ABR: variants seen among roughly 807,000 people sequenced by gnomAD.
ABR encodes the protein active breakpoint cluster region-related protein.
Under a neutral mutation model 107.2 loss-of-function variants are expected in ABR, and 35 were observed. That is an observed-to-expected ratio of 0.33 (90% CI 0.25 to 0.43). The LOEUF is 0.43. Among genes scored for constraint, ABR ranks in the 20% least tolerant of loss-of-function variants. The probability of loss-of-function intolerance (pLI) is 1.00; values close to 1 mark genes in which losing one functional copy is unlikely to be tolerated. For missense variants in ABR, 815 were observed against 1,115.2 expected (o/e 0.73, Z 3.83); for synonymous variants, 498 against 462.0 (o/e 1.08, Z -1.00).
At chr17:1,217,068 C>T (rs1048397238) in intron 1 of ABR, among the ~76,000 whole-genome samples, 3 of 152,162 alleles carry the variant, frequency 2.0e-5, no homozygotes, top group Non-Finnish European at 2.9e-5. Flanking sequence ...GGACATGCGG[C>T]GGCTTTCCCT....
intron 6 of ABR, among the ~76,000 whole-genome samples, chr17:1,074,384 G>A (rs374088385): frequency 6.2e-4 from 94 of 151,196 alleles, no homozygotes; most frequent in African/African-American, 2.2e-3. Context: ...GCCCCGCAGA[G>A]TCCAGCATAC....
rs568557543 is a variant in ABR, at chr17:1,201,718, C to T, written c.838+27075G>A. On this transcript the variant is annotated intron_variant, in intron 1 of 22. Coordinates refer to the ABR transcript ENST00000574139. ...TTTGAGAGAGTCTCGCTCTGTTGCC[C>T]AGGCTGGTGTGCAGTGGCGTGATCT... Among the ~76,000 whole-genome samples, 61 of 152,242 alleles carry T rather than the reference C, an allele frequency of 4.0e-4. No individual in the cohort carries two copies. The South Asian group carries it at 0.012, about 31-fold the overall frequency.
intron 16 of ABR, among the ~76,000 whole-genome samples, chr17:1,013,998 C>T (rs1301122763): frequency 6.6e-6 from 1 of 152,252 alleles, no homozygotes; most frequent in African/African-American, 2.4e-5. Flanking sequence ...AAAATCTGAA[C>T]ATTTCCAAGT....
chr17:1,133,123 C>T (rs1381280392), intron 1 of ABR, among the ~76,000 whole-genome samples: 1 of 152,124 alleles, frequency 6.6e-6, no homozygotes, highest in Non-Finnish European at 1.5e-5. Flanking sequence ...TGCCTATAAT[C>T]CCAGCTACTT....
chr17:1,226,813 GTA>G (rs2150773002), intron 1 of ABR, among the ~76,000 whole-genome samples: 2 of 152,006 alleles, frequency 1.3e-5, no homozygotes, highest in South Asian at 4.2e-4. Flanking sequence ...AGGTGTGTGT[GTA>G]TATGTGTGCA....
intron 4 of ABR, among the ~76,000 whole-genome samples, chr17:1,085,921 C>T (rs2036563875): frequency 1.3e-5 from 2 of 152,110 alleles, no homozygotes; most frequent in South Asian, 2.1e-4. Context: ...CCGAGGCGGG[C>T]AGATCACCTA....
At chr17:1,167,493 C>T (rs371579458) in intron 1 of ABR, among the ~76,000 whole-genome samples, 8 of 152,258 alleles carry the variant, frequency 5.3e-5, no homozygotes, top group East Asian at 3.9e-4. Context: ...GCTGGTCCCC[C>T]GAGCGGAGGG....
At chr17:1,075,416 T>C (rs942790702) in intron 6 of ABR, among the ~76,000 whole-genome samples, 2 of 152,240 alleles carry the variant, frequency 1.3e-5, no homozygotes, top group African/African-American at 4.8e-5. Context: ...CCAAACCTGA[T>C]AGTTCTCCAA....
At chr17:1,031,392 C>A (rs1402606142) in intron 16 of ABR, among the ~76,000 whole-genome samples, 1 of 152,294 alleles carries the variant, frequency 6.6e-6, no homozygotes, top group Non-Finnish European at 1.5e-5. Flanking sequence ...GATGCCCGAG[C>A]GCCAGGGTCC....
At chr17:1,182,587 T>C (rs890829231), upstream of ABR, among the ~76,000 whole-genome samples, 13 of 152,246 alleles carry the variant, frequency 8.5e-5, no homozygotes, top group Admixed American at 5.2e-4. Context: ...AGGATGATCT[T>C]GATCTCCTGA....
intron 1 of ABR, among the ~76,000 whole-genome samples, chr17:1,146,734 C>G: frequency 6.7e-6 from 1 of 149,450 alleles, no homozygotes; most frequent in East Asian, 2.0e-4. Context: ...ACCATTGCCA[C>G]ACGACACCAC....
chr17:1,019,778 G>A (rs1051255320), intron 16 of ABR, among the ~76,000 whole-genome samples: 2 of 152,268 alleles, frequency 1.3e-5, no homozygotes, highest in Non-Finnish European at 2.9e-5. Context: ...CCCCTGGGAC[G>A]TTGGTGGATG....
intron 1 of ABR, among the ~76,000 whole-genome samples, chr17:1,193,959 G>T (rs1000680292): frequency 6.6e-6 from 1 of 152,088 alleles, no homozygotes; most frequent in Non-Finnish European, 1.5e-5. Flanking sequence ...CTCTCAAAGT[G>T]CTGGGATAAC....
At chr17:1,176,831 C>G (rs553070532) in intron 1 of ABR, among the ~76,000 whole-genome samples, 6 of 149,338 alleles carry the variant, frequency 4.0e-5, no homozygotes, top group Non-Finnish European at 5.9e-5. Context: ...TGGGCAAAGA[C>G]GGAGACCCCG....
chr17:1,132,423 G>T (rs952077811), intron 1 of ABR, among the ~76,000 whole-genome samples: 2 of 138,552 alleles, frequency 1.4e-5, no homozygotes, highest in Non-Finnish European at 3.0e-5. Context: ...CTGTCACCCA[G>T]GCTGGAATGC....
At chr17:1,158,439 C>T (rs1021112683) in intron 1 of ABR, among the ~76,000 whole-genome samples, 4 of 151,340 alleles carry the variant, frequency 2.6e-5, no homozygotes, top group Non-Finnish European at 5.9e-5. Context: ...ATTGTATGTG[C>T]TGTTTTGCAT....
At chr17:1,076,722 GT>G (rs565760738) in intron 6 of ABR, among the ~76,000 whole-genome samples, 55,195 of 121,820 alleles carry the variant, frequency 0.45, 14,198 homozygotes, top group Middle Eastern at 0.53. Context: ...CACGGGGGGG[GT>G]GGGGGTGGGG....
rs781301849 is a variant in ABR, at chr17:1,051,362, C to T, written c.1562-728G>A. Among the ~76,000 whole-genome samples the T allele has an allele frequency of 1.3e-5, 2 of 152,014 alleles. No homozygotes were observed. The highest frequency in any genetic ancestry group is 2.9e-5 in the Non-Finnish European group (2 of 67,954). On this transcript the variant is annotated intron_variant, in intron 14 of 22. Transcript: ENST00000302538. This position sits in a 1 kb window ranked among gnomAD's most constrained non-coding sequence, Gnocchi z 4.3. ...AGAACAGGGCTGGGAACCCAGCTGG[C>T]ACACGGTGAACGAGGCTCCCACCAC...
intron 3 of ABR, among the ~76,000 whole-genome samples, chr17:1,097,741 C>T (rs150764477): frequency 8.5e-5 from 13 of 152,186 alleles, no homozygotes; most frequent in African/African-American, 1.9e-4. Flanking sequence ...GGAGCCAGTA[C>T]GGCCAGGCAG....
Sources: gnomAD v4.1 joint callset for allele counts (sites outside exome capture counted in the v4.1 genomes callset) on GRCh38, gnomAD v4.1.1 for gene constraint, Gnocchi (gnomAD v3.1) non-coding constraint, MANE v1.5 for transcripts, NCBI Gene and HGNC (gene_info 2026-07-23, HGNC 2026-07-21) for gene names.